The following EYS variants were observed in gnomAD, a reference collection of about 807,000 sequenced individuals.
The protein encoded by EYS is protein eyes shut homolog.
A neutral mutation model predicts 282.1 loss-of-function variants in EYS; 250 were observed. That is an observed-to-expected ratio of 0.89 (90% confidence interval 0.80 to 0.98). EYS has a LOEUF of 0.98. Ranked by LOEUF, EYS falls within the 50% of genes least tolerant of loss-of-function variation. The pLI is 0.00. For synonymous variants in EYS, 1,355 were observed against 1,282.9 expected (o/e 1.06, Z -1.20); for missense variants, 4,016 against 3,709.0 (o/e 1.08, Z -2.15).
intron 32 of EYS, among the ~76,000 whole-genome samples, chr6:64,077,943 C>T (rs1250503155): frequency 6.6e-6 from 1 of 152,012 alleles, no homozygotes; most frequent in Non-Finnish European, 1.5e-5. Context: ...AGCTGTCTCT[C>T]TCCCACAGAG....
At chr6:64,275,432 C>T (rs1347945419) in intron 30 of EYS, among the ~76,000 whole-genome samples, 3 of 149,758 alleles carry the variant, frequency 2.0e-5, no homozygotes, top group African/African-American at 7.4e-5. Flanking sequence ...TACAAATGCA[C>T]ACTTATCATG....
rs1773724746 is a variant in EYS, at chr6:64,125,154, G to GCGCGCGCGCGCTCTCTCTCTCTC, written c.6425-43153_6425-43152insGAGAGAGAGAGAGCGCGCGCGCG. 8.9e-5 allele frequency among the ~76,000 whole-genome samples: 13 copies of GCGCGCGCGCGCTCTCTCTCTCTC among 145,330 alleles called. 1 individual carries two copies. The highest frequency in any genetic ancestry group is 3.4e-4 in the African/African-American group (13 of 38,480). On this transcript the variant is annotated intron_variant, in intron 31 of 42. Transcript: ENST00000503581. ...TCAAACACACACACACACACTCTCT[G>GCGCGCGCGCGCTCTCTCTCTCTC]TCTCTCTCTCTCTCTCTCTCTCGCT...
chr6:65,581,873 AT>A (rs997650586), intron 2 of EYS, among the ~76,000 whole-genome samples: 1 of 151,920 alleles, frequency 6.6e-6, no homozygotes, highest in African/African-American at 2.4e-5. Flanking sequence ...CCTATTGGTG[AT>A]TTTTTTCAAA....
chr6:63,997,525 C>T (rs1259606510), intron 34 of EYS, among the ~76,000 whole-genome samples: 1 of 152,152 alleles, frequency 6.6e-6, no homozygotes, highest in Non-Finnish European at 1.5e-5. Context: ...GTAGCGGCAG[C>T]AGGGAACAGC....
chr6:64,937,577 T>C (rs1268757662), intron 15 of EYS, among the ~76,000 whole-genome samples: 1 of 151,584 alleles, frequency 6.6e-6, no homozygotes, highest in Admixed American at 6.6e-5. Context: ...GAAAATCAAA[T>C]GTGCATTGAA....
intron 33 of EYS, among the ~76,000 whole-genome samples, chr6:64,023,109 A>G (rs1457567314): frequency 6.6e-6 from 1 of 152,214 alleles, no homozygotes; most frequent in Non-Finnish European, 1.5e-5. Flanking sequence ...ATCATATAAT[A>G]CTTGTCTTTT....
chr6:64,604,214 T>C (rs1255354385), intron 24 of EYS, among the ~76,000 whole-genome samples: 1 of 152,032 alleles, frequency 6.6e-6, no homozygotes, highest in Non-Finnish European at 1.5e-5. Context: ...TTATCCACAA[T>C]ATCCTGTCAT....
At chr6:65,023,908 A>G (rs567708221) in intron 13 of EYS, among the ~76,000 whole-genome samples, 3 of 152,360 alleles carry the variant, frequency 2.0e-5, no homozygotes, top group South Asian at 2.1e-4. Context: ...AACATCATAC[A>G]TAGCAGTCCA....
At position 65,074,132 on chromosome 6, in the gene EYS, GA is replaced by G. The variant is rs199899392; in HGVS notation, c.2024-16406del. Among the ~76,000 whole-genome samples the G allele has an allele frequency of 1.6e-3, 240 of 152,062 alleles. 6 individuals carry two copies. The East Asian group carries it at 0.037, about 23-fold the overall frequency. ...TTTATGTATTTTCACAGTAAAATATGAAAATAAAACGGAATTGTTTTCTAAC... is the reference window on the plus strand; with the variant it reads ...TTTATGTATTTTCACAGTAAAATATGAAATAAAACGGAATTGTTTTCTAAC... On this transcript the variant is annotated intron_variant, in intron 12 of 42. Coordinates refer to ENST00000503581, the MANE Select transcript of EYS (RefSeq NM_001142800.2).
At chr6:65,229,015 A>C (rs947965221) in intron 12 of EYS, among the ~76,000 whole-genome samples, 1 of 152,046 alleles carries the variant, frequency 6.6e-6, no homozygotes, top group Admixed American at 6.6e-5. Flanking sequence ...TTAAGACAAA[A>C]TGGATTATAG....
intron 5 of EYS, among the ~76,000 whole-genome samples, chr6:65,481,186 A>G (rs928816254): frequency 3.9e-5 from 6 of 152,318 alleles, no homozygotes; most frequent in African/African-American, 1.4e-4. Context: ...TTTGATCCTT[A>G]CATATTGTAC....
At chr6:64,387,497 T>C (rs1561964485) in intron 29 of EYS, among the ~76,000 whole-genome samples, 1 of 152,142 alleles carries the variant, frequency 6.6e-6, no homozygotes, top group East Asian at 1.9e-4. Flanking sequence ...AGAGGACAAA[T>C]GTAATTTATG....
At position 63,811,686 on chromosome 6, in the gene EYS, A is replaced by G. The variant is rs377476726; in HGVS notation, c.7229-5314T>C. ...TGAACATATATTTGTATGTCTGATAAGAATTTCAAACTGATCATACACAAA... is the reference window on the plus strand; with the variant it reads ...TGAACATATATTTGTATGTCTGATAGGAATTTCAAACTGATCATACACAAA... On this transcript the variant is annotated intron_variant, in intron 36 of 42. Coordinates refer to ENST00000503581, the MANE Select transcript of EYS (RefSeq NM_001142800.2). Among the ~76,000 whole-genome samples the G allele has an allele frequency of 5.3e-5, 8 of 152,200 alleles. 1 individual carries two copies. The East Asian group carries it at 9.6e-4, about 18-fold the overall frequency.
In EYS at chr6:65,042,805, T is replaced by C. The variant is rs1298455055; in HGVS notation, c.2137+14809A>G. Among the ~76,000 whole-genome samples the C allele has an allele frequency of 5.3e-5, 8 of 151,344 alleles. No homozygotes were observed. The East Asian group carries it at 1.2e-3, about 22-fold the overall frequency. ...AAGTTTCCACTTGGTGCTATTTCCC[T>C]TTATGCTGAAGAAATTCTTTAAGAT... On this transcript the variant is annotated intron_variant, in intron 13 of 42. Transcript: ENST00000503581.
intron 11 of EYS, among the ~76,000 whole-genome samples, chr6:65,299,406 C>CG (rs1314779039): frequency 6.6e-6 from 1 of 150,622 alleles, no homozygotes; most frequent in Non-Finnish European, 1.5e-5. Context: ...CTTCCCCTGA[C>CG]CCCCCCCAAA....
intron 5 of EYS, among the ~76,000 whole-genome samples, chr6:65,479,288 A>G (rs1765519998): frequency 6.6e-6 from 1 of 152,216 alleles, no homozygotes; most frequent in Admixed American, 6.5e-5. Flanking sequence ...ATATCAAAAG[A>G]GGCTGAATTA....
At chr6:64,808,156 T>C (rs1158862658) in intron 22 of EYS, among the ~76,000 whole-genome samples, 1 of 150,718 alleles carries the variant, frequency 6.6e-6, no homozygotes, top group African/African-American at 2.4e-5. Context: ...ATAATCTACC[T>C]ATGATCACGA....
chr6:65,060,686 G>A (rs191391774), intron 12 of EYS, among the ~76,000 whole-genome samples: 1 of 151,252 alleles, frequency 6.6e-6, no homozygotes, highest in East Asian at 1.9e-4. Context: ...GTACAGGTTA[G>A]CACAACACTT....
chr6:64,320,214 ATTG>A (rs1413062432), intron 29 of EYS, among the ~76,000 whole-genome samples: 2 of 151,874 alleles, frequency 1.3e-5, no homozygotes, highest in African/African-American at 4.8e-5. Flanking sequence ...TATTAGATAT[ATTG>A]TTTGATATTT....
Sources: allele counts gnomAD v4.1 joint callset (sites outside exome capture counted in the v4.1 genomes callset), GRCh38; gene constraint gnomAD v4.1.1; transcripts MANE v1.5; gene names NCBI Gene and HGNC (gene_info 2026-07-23, HGNC 2026-07-21).